The following GSN variants were observed in gnomAD, a reference collection of about 807,000 sequenced individuals.
The protein encoded by GSN is actin-depolymerizing factor.
A neutral mutation model predicts 85.7 loss-of-function variants in GSN; 56 were observed. The ratio of observed to expected loss-of-function variants is 0.65; its 90% confidence interval spans 0.53 to 0.82. The LOEUF is 0.82. Among genes scored for constraint, GSN ranks in the 40% least tolerant of loss-of-function variants. The pLI, the probability that GSN is intolerant of heterozygous loss-of-function variation, is 0.00. For missense variants in GSN, 857 were observed against 979.8 expected (o/e 0.87, Z 1.67); for synonymous variants, 373 against 399.1 (o/e 0.93, Z 0.78).
chr9:121,238,091 A>G (rs546997283), intron 5 of GSN: 2 of 152,330 alleles, frequency 1.3e-5, no homozygotes, highest in Admixed American at 1.3e-4. Context: ...TCACAAGTAT[A>G]TTAAGCAGTG....
At chr9:121,238,411 C>T (rs576861242) in intron 5 of GSN, among the ~76,000 whole-genome samples, 7 of 152,290 alleles carry the variant, frequency 4.6e-5, no homozygotes, top group African/African-American at 1.7e-4. Flanking sequence ...CTGGATGCTT[C>T]CTGGCCTTCA....
Position 121,317,105 on chromosome 9 carries a change from C to A in GSN, c.773C>A (p.Thr258Asn). 1 of 1,614,176 alleles carries A rather than the reference C, an allele frequency of 6.2e-7. No individual in the cohort carries two copies. The change falls in exon 8 of 18, where the codon ACC becomes AAC. Residue 258 changes from threonine to asparagine, a missense_variant. Transcript: ENST00000432226. ...CCTCAGGTCTCCAATGGTGCAGGGA[C>A]CATGTCCGTCTCCCTCGTGGCTGAT... The part of the protein sequence containing the change: ...KLYKVSNGAG[T>N]MSVSLVADEN...
intron 1 of GSN, among the ~76,000 whole-genome samples, chr9:121,277,316 G>A (rs536724060): frequency 6.6e-6 from 1 of 152,336 alleles, no homozygotes; most frequent in East Asian, 1.9e-4. Context: ...ATGTTCTAGA[G>A]CATTCTAAGA....
intron 4 of GSN, among the ~76,000 whole-genome samples, chr9:121,304,340 A>G (rs576006163): frequency 8.5e-5 from 13 of 152,344 alleles, no homozygotes; most frequent in Non-Finnish European, 1.3e-4. Flanking sequence ...TGAGGTGTCC[A>G]GCTCTGCCTT....
chr9:121,245,366 T>G (rs2054679066), intron 5 of GSN, among the ~76,000 whole-genome samples: 1 of 146,542 alleles, frequency 6.8e-6, no homozygotes, highest in Non-Finnish European at 1.5e-5. Flanking sequence ...TCTTTCTTTC[T>G]TTCATTTTGA....
intron 2 of GSN, chr9:121,281,785 A>C (rs1484617181): frequency 8.5e-6 from 4 of 471,120 alleles, no homozygotes; most frequent in South Asian, 4.6e-5. Flanking sequence ...GGAGGCCGGG[A>C]CTGGGCTCGG....
At chr9:121,257,566 TACAGGTGAGAAAACTGAGGCTC>T (rs2054991995) in intron 6 of GSN, among the ~76,000 whole-genome samples, 3 of 152,154 alleles carry the variant, frequency 2.0e-5, no homozygotes, top group Admixed American at 6.5e-5. Flanking sequence ...ATGAAGTGAT[TACAGGTGAGAAAACTGAGGCTC>T]ACCCAGATGT....
At position 121,299,810 on chromosome 9, in the gene GSN, C is replaced by G; in HGVS notation, c.-9-2153C>G. The G allele has an allele frequency of 7.7e-7, 1 of 1,291,152 alleles. No homozygotes were observed. Among genetic ancestry groups the G allele is most frequent in the Non-Finnish European group, 9.9e-7 (1 of 1,012,402 alleles). The allele number at this position is 1,291,152 out of a possible 1,614,324, so 80.0% of individuals were successfully genotyped here. On this transcript the variant is annotated intron_variant, in intron 2 of 17. Coordinates refer to ENST00000432226, the MANE Select transcript of GSN (RefSeq NM_198252.3). This position sits in a 1 kb window ranked among gnomAD's most constrained non-coding sequence, Gnocchi z 4.2. ...GGATGGGCGGGCGGCTACTTAAGGT[C>G]GGCGACCCGAGGCCGCGGCTGCCGA...
At chr9:121,324,300 T>A (rs1050036490) in intron 11 of GSN, among the ~76,000 whole-genome samples, 1 of 152,234 alleles carries the variant, frequency 6.6e-6, no homozygotes, top group Admixed American at 6.5e-5. Context: ...ACCCAGCCAG[T>A]CTCCTGTGGG....
At chr9:121,305,754 G>A (rs2060342995) in intron 4 of GSN, among the ~76,000 whole-genome samples, 1 of 152,240 alleles carries the variant, frequency 6.6e-6, no homozygotes, top group Non-Finnish European at 1.5e-5. Context: ...GGCTCCTGGT[G>A]TGAATGGGAG....
intron 4 of GSN, chr9:121,222,785 G>C (rs2054193536): frequency 6.6e-6 from 1 of 152,102 alleles, no homozygotes; most frequent in Admixed American, 6.6e-5. Context: ...AGGAGTAAAA[G>C]TTTATTAAAA....
chr9:121,246,945 C>T (rs1247940682), intron 5 of GSN, among the ~76,000 whole-genome samples: 3 of 152,102 alleles, frequency 2.0e-5, no homozygotes, highest in Non-Finnish European at 2.9e-5. Flanking sequence ...TCCTGTGGTT[C>T]CTGTGGTGTT....
rs2061974198 is a variant in GSN, at chr9:121,318,462, A to G, written c.943A>G (p.Ile315Val). 1 of 1,614,088 alleles carries G rather than the reference A, an allele frequency of 6.2e-7. No homozygotes were observed. Among genetic ancestry groups the G allele is most frequent in the Middle Eastern group, 1.6e-4 (1 of 6,062 alleles). The change falls in exon 9 of 18, where the codon ATC becomes GTC. Residue 315 changes from isoleucine to valine, a missense_variant. Physicochemically the swap from Ile to Val is conservative, Grantham distance 29 (BLOSUM62 3). Coordinates refer to ENST00000432226, the MANE Select transcript of GSN (RefSeq NM_198252.3). The surrounding 1 kb of genome is among the most constrained non-coding windows in gnomAD (Gnocchi z 4.3). ...KAALKTASDF[I>V]TKMDYPKQTQ... ...TGCCCTCAAAACAGCCTCTGACTTC[A>G]TCACCAAGATGGACTACCCCAAGCA...
chr9:121,268,528 G>A (rs2055406556), intron 1 of GSN, among the ~76,000 whole-genome samples: 2 of 152,248 alleles, frequency 1.3e-5, no homozygotes, highest in South Asian at 4.1e-4. Context: ...CGGGATGGGG[G>A]AACTGGCCCG....
Position 121,302,155 on chromosome 9 carries a change from CACT to C in GSN, c.188_190del (p.Tyr63del), listed in dbSNP as rs2059944294. On this transcript the variant is annotated inframe_deletion, in exon 3 of 18. Coordinates refer to ENST00000432226, the MANE Select transcript of GSN (RefSeq NM_198252.3). ...GAACGGAAATCTGCAGTATGACCTC[CACT>C]ACTGGCTGGGTGAGGCTGGCCCTGC... 1 of 1,613,964 alleles carries C rather than the reference CACT, an allele frequency of 6.2e-7. No homozygotes were observed. The highest frequency in any genetic ancestry group is 1.7e-5 in the Admixed American group (1 of 60,016).
Position 121,323,998 on chromosome 9 carries a change from G to T in GSN, c.1326-556G>T, listed in dbSNP as rs1472389662. Among the ~76,000 whole-genome samples, 119 of 152,120 alleles carry T rather than the reference G, an allele frequency of 7.8e-4. 2 individuals are homozygous for T. Among genetic ancestry groups the T allele is most frequent in the Non-Finnish European group, 8.8e-5 (6 of 68,034 alleles). On this transcript the variant is annotated intron_variant, in intron 11 of 17. Transcript: ENST00000432226. ...GTTTGCTTATACGACGACATATGTT[G>T]GTTATGGAAAACTTAGACAATATGC...
At chr9:121,258,442 G>A (rs1055175783) in intron 6 of GSN, among the ~76,000 whole-genome samples, 5 of 148,114 alleles carry the variant, frequency 3.4e-5, no homozygotes, top group African/African-American at 7.6e-5. Context: ...CAGCCTGGGC[G>A]ACAGAGTGAG....
chr9:121,310,653 CT>C (rs746302038), intron 4 of GSN, 30 bp from the exon 5 acceptor site: 60 of 1,611,936 alleles, frequency 3.7e-5, no homozygotes, highest in Middle Eastern at 3.3e-4. Flanking sequence ...GCCTTCTCCC[CT>C]GGGCTAATGC....
At position 121,307,872 on chromosome 9, in the gene GSN, G is replaced by A. The variant is rs191182230; in HGVS notation, c.352-2812G>A. ...TTCTGCGCTTCCCCTGCCTTTCTGC[G>A]CTTCCCCTGCATTGCCCTGACCTAT... On this transcript the variant is annotated intron_variant, in intron 4 of 17. Transcript: ENST00000432226. 3.8e-3 allele frequency among the ~76,000 whole-genome samples: 577 copies of A among 152,270 alleles called. 2 individuals are homozygous for A. Among genetic ancestry groups the A allele is most frequent in the African/African-American group, 0.013 (533 of 41,550 alleles).
Sources: gnomAD v4.1 joint callset for allele counts (sites outside exome capture counted in the v4.1 genomes callset) on GRCh38, gnomAD v4.1.1 for gene constraint, Gnocchi (gnomAD v3.1) non-coding constraint, MANE v1.5 for transcripts, NCBI Gene and HGNC (gene_info 2026-07-23, HGNC 2026-07-21) for gene names.